Variants in POLR2B observed in about 807,000 individuals in gnomAD.
POLR2B encodes RNA polymerase II subunit B, also known as DNA-directed RNA polymerase II subunit RPB2.
Under a neutral mutation model 144.6 loss-of-function variants are expected in POLR2B, and 57 were observed. That is an observed-to-expected ratio of 0.39 (90% CI 0.32 to 0.49). The LOEUF is 0.49. POLR2B is among the 20% of genes least tolerant of loss of function. The pLI, the probability that POLR2B is intolerant of heterozygous loss-of-function variation, is 0.83. For missense variants in POLR2B, 595 were observed against 1,467.4 expected, an observed-to-expected ratio of 0.41 and a Z score of 9.71; for synonymous variants, 442 against 469.8, an observed-to-expected ratio of 0.94 and a Z score of 0.77.
chr4:57,028,174 G>A lies in POLR2B; in HGVS notation c.3240-2030G>A, dbSNP rs952243259. Among the ~76,000 whole-genome samples the A allele has an allele frequency of 5.3e-5, 8 of 152,288 alleles. 1 individual carries two copies. The highest frequency in any genetic ancestry group is 1.4e-4 in the African/African-American group (6 of 41,572). On this transcript the variant is annotated intron_variant, in intron 23 of 24. Coordinates refer to ENST00000314595, the MANE Select transcript of POLR2B (RefSeq NM_000938.3). Reference sequence around the variant, plus strand: ...TGAGTTAACATAGTTGGTGTCAGCTGGCTATTTGAGTAAAAAAGATACTCC... The same window carrying A: ...TGAGTTAACATAGTTGGTGTCAGCTAGCTATTTGAGTAAAAAAGATACTCC...
chr4:57,028,121 A>G (rs1268551739), intron 23 of POLR2B, among the ~76,000 whole-genome samples: 1 of 152,154 alleles, frequency 6.6e-6, no homozygotes, highest in Non-Finnish European at 1.5e-5. Context: ...CTAAGTCTGA[A>G]TTAACATCAT....
chr4:56,995,442 T>C (rs1321576719), intron 6 of POLR2B, 33 bp downstream of exon 6: 2 of 1,515,402 alleles, frequency 1.3e-6, no homozygotes, highest in Non-Finnish European at 1.8e-6. Context: ...TTTGGGTTTA[T>C]TCCTTTGTGC....
Position 57,020,383 on chromosome 4 carries a change from CA to C in POLR2B, c.2324-514del, listed in dbSNP as rs1490968281. ...ATCAAACAAAGTGTTTTGGCAGCAG[CA>C]ACTAAGAATTTCATTGTGGTGGGAA... On this transcript the variant is annotated intron_variant, in intron 16 of 24. Transcript: ENST00000314595. 4.0e-5 allele frequency among the ~76,000 whole-genome samples: 6 copies of C among 151,866 alleles called. No individual in the cohort carries two copies. The East Asian group carries it at 1.2e-3, about 29-fold the overall frequency.
At chr4:57,028,377 T>G (rs1452464753) in intron 23 of POLR2B, among the ~76,000 whole-genome samples, 1 of 152,120 alleles carries the variant, frequency 6.6e-6, no homozygotes, top group African/African-American at 2.4e-5. Flanking sequence ...CAATCCAGCC[T>G]CTCACCTTGG....
At chr4:56,996,205 C>CGT (rs1325314185) in intron 6 of POLR2B, among the ~76,000 whole-genome samples, 47 of 41,166 alleles carry the variant, frequency 1.1e-3, no homozygotes, top group East Asian at 6.6e-3. Context: ...TATTTCAGTT[C>CGT]ATGTGTGTGT....
chr4:57,006,751 C>T, intron 9 of POLR2B, 65 bp from the exon 10 acceptor site: 2 of 1,289,194 alleles, frequency 1.6e-6, no homozygotes, highest in Admixed American at 2.2e-5. Context: ...TTGCAATATT[C>T]CTCCTGTTGA....
intron 17 of POLR2B, among the ~76,000 whole-genome samples, chr4:57,021,951 G>T (rs1349989709): frequency 6.6e-6 from 1 of 152,106 alleles, no homozygotes; most frequent in Admixed American, 6.5e-5. Context: ...GGTGGTTAAG[G>T]TTATGGGTCA....
At position 57,022,144 on chromosome 4, in the gene POLR2B, G is replaced by A. The variant is rs1164861603; in HGVS notation, c.2421-8G>A. ...ATAGACTTTACCTTTAGAACCATGT[G>A]TTTTTAGGTCTGTTTTCTATCGCTC... On this transcript the variant is annotated splice_polypyrimidine_tract_variant and splice_region_variant and intron_variant, in intron 17 of 24. Coordinates refer to ENST00000314595, the MANE Select transcript of POLR2B (RefSeq NM_000938.3). The A allele has an allele frequency of 4.5e-6, 7 of 1,553,504 alleles. No individual in the cohort carries two copies. The highest frequency in any genetic ancestry group is 6.2e-6 in the Non-Finnish European group (7 of 1,128,580).
At position 57,023,664 on chromosome 4, in the gene POLR2B, A is replaced by G. The variant is rs56408764; in HGVS notation, c.2769A>G (p.Val923=). 1.2e-5 allele frequency: 20 copies of G among 1,611,954 alleles called. No homozygotes were observed. The East Asian group carries it at 4.2e-4, about 34-fold the overall frequency. Residue 923 remains valine, a splice_region_variant and synonymous_variant, in exon 20 of 25, where the codon GTA becomes GTG. Coordinates refer to ENST00000314595, the MANE Select transcript of POLR2B (RefSeq NM_000938.3). The surrounding 1 kb of genome is among the most constrained non-coding windows in gnomAD (Gnocchi z 4.3). ...QEGYKFCKIR[V]RSVRIPQIGD... is the part of the protein sequence containing the mutation. ...AACTTATTTTTATATGAATTTAGGT[A>G]CGCTCTGTTAGGATTCCACAGATTG...
At chr4:56,994,542 C>A in intron 4 of POLR2B, 26 bp downstream of exon 4, 1 of 1,460,592 alleles carries the variant, frequency 6.8e-7, no homozygotes, top group Non-Finnish European at 9.6e-7. Context: ...TCCTTGTCAG[C>A]AGTAGATACT....
At chr4:56,996,842 TTGGGAGGCTGAG>T (rs1722705679) in intron 6 of POLR2B, among the ~76,000 whole-genome samples, 1 of 152,006 alleles carries the variant, frequency 6.6e-6, no homozygotes, top group Admixed American at 6.6e-5. Flanking sequence ...TCCCAGCACT[TTGGGAGGCTGAG>T]GTGGGTGGAT....
chr4:57,027,895 T>C (rs1441794028), intron 23 of POLR2B, among the ~76,000 whole-genome samples: 1 of 152,228 alleles, frequency 6.6e-6, no homozygotes, highest in African/African-American at 2.4e-5. Flanking sequence ...CTGATGTCAT[T>C]AGAAAAGCCT....
At chr4:56,996,468 T>C (rs763056256) in intron 6 of POLR2B, among the ~76,000 whole-genome samples, 1 of 150,122 alleles carries the variant, frequency 6.7e-6, no homozygotes, top group Non-Finnish European at 1.5e-5. Context: ...GTATTTTTAG[T>C]AGAGATGGGG....
chr4:57,030,105 A>G lies in POLR2B; in HGVS notation c.3240-99A>G, dbSNP rs56047516. 2.7e-5 allele frequency: 25 copies of G among 942,596 alleles called. No homozygotes were observed. The East Asian group carries it at 6.5e-4, about 24-fold the overall frequency. The allele number at this position is 942,596 out of a possible 1,614,324, so 58.4% of individuals were successfully genotyped here. ...AGGGTATAAAAATTAGAGCCTAGTT[A>G]TCCGTCTTTGCAAATATTATTCTCC... On this transcript the variant is annotated intron_variant, in intron 23 of 24. Transcript: ENST00000314595.
chr4:57,016,862 T>C (rs1723384036), intron 14 of POLR2B, among the ~76,000 whole-genome samples, 181 bp from the exon 15 acceptor site: 1 of 148,522 alleles, frequency 6.7e-6, no homozygotes, highest in African/African-American at 2.4e-5. Context: ...TTGTCAACAA[T>C]CATGTAACTA....
intron 7 of POLR2B, chr4:57,002,768 C>A (rs527531016): frequency 1.9e-4 from 29 of 151,806 alleles, no homozygotes; most frequent in African/African-American, 7.0e-4. Context: ...GGATGAGACA[C>A]AAATGAGAAG....
At chr4:56,982,423 T>A (rs1269380090) in intron 1 of POLR2B, among the ~76,000 whole-genome samples, 1 of 152,012 alleles carries the variant, frequency 6.6e-6, no homozygotes, top group East Asian at 1.9e-4. Flanking sequence ...ATTTAAAAAA[T>A]TAGCTGGGCA....
At chr4:56,993,833 A>G (rs1031621567) in intron 3 of POLR2B, among the ~76,000 whole-genome samples, 3 of 152,208 alleles carry the variant, frequency 2.0e-5, no homozygotes, top group East Asian at 3.8e-4. Context: ...TTATTTTTTA[A>G]AATGTTCTAT....
chr4:56,981,677 A>G (rs142813899), intron 1 of POLR2B, among the ~76,000 whole-genome samples: 128 of 152,360 alleles, frequency 8.4e-4, no homozygotes, highest in Non-Finnish European at 1.0e-3. Context: ...GATTTCTGTC[A>G]TCCACATGGA....
Sources: allele counts gnomAD v4.1 joint callset (sites outside exome capture counted in the v4.1 genomes callset), GRCh38; gene constraint gnomAD v4.1.1; non-coding constraint Gnocchi (gnomAD v3.1); transcripts MANE v1.5; gene names NCBI Gene and HGNC (gene_info 2026-07-23, HGNC 2026-07-21).